SLC17A7: variants seen among roughly 807,000 people sequenced by gnomAD.
The protein encoded by SLC17A7 is vesicular glutamate transporter 1.
Under a neutral mutation model 59.1 loss-of-function variants are expected in SLC17A7, and 15 were observed. The observed-to-expected ratio is 0.25, with a 90% CI of 0.17 to 0.39. The LOEUF is 0.39. SLC17A7 is among the 10% of genes least tolerant of loss of function. SLC17A7 has a pLI of 1.00. For synonymous variants in SLC17A7, 353 were observed against 308.9 expected, an observed-to-expected ratio of 1.14 and a Z score of -1.50; for missense variants, 499 against 765.1, an observed-to-expected ratio of 0.65 and a Z score of 4.10.
In SLC17A7 at chr19:49,431,382, G is replaced by A. The variant is rs2078958801; in HGVS notation, c.1217C>T (p.Ser406Phe). The A allele has an allele frequency of 6.2e-7, 1 of 1,614,052 alleles. No individual in the cohort carries two copies. The highest frequency in any genetic ancestry group is 1.3e-5 in the African/African-American group (1 of 74,918). ...GYSHSKGVAI[S>F]FLVLAVGFSG... The stretch of plus-strand genomic sequence containing the variant: ...GAAGCCCACGGCTAGGACCAGGAAG[G>A]AGATGGCCACGCCCTTGGAGTGCGA... Residue 406 changes from serine to phenylalanine, a missense_variant, in exon 10 of 12, where the codon TCC (serine) becomes TTC (phenylalanine). Physicochemically the swap from Ser to Phe is radical, Grantham distance 155. Transcript: ENST00000221485. This position sits in a 1 kb window ranked among gnomAD's most constrained non-coding sequence, Gnocchi z 4.6.
At chr19:49,435,008 T>G in intron 3 of SLC17A7, 126 bp from the exon 4 acceptor site, 1 of 1,033,712 alleles carries the variant, frequency 9.7e-7, no homozygotes, top group Non-Finnish European at 1.5e-6. Context: ...CTCTCTGACT[T>G]ACACCTTCCT....
Position 49,433,516 on chromosome 19 carries a change from C to T in SLC17A7, c.867+210G>A. On this transcript the variant is annotated intron_variant, in intron 7 of 11. Coordinates refer to ENST00000221485, the MANE Select transcript of SLC17A7 (RefSeq NM_020309.4). The surrounding 1 kb of genome is among the most constrained non-coding windows in gnomAD (Gnocchi z 5.7). ...ACTATGCCCTGTCAGTGGTTCTAAT[C>T]CTGCTCAACTCCCGACCTAACCCTG... The T allele has an allele frequency of 1.4e-6, 1 of 716,336 alleles. No homozygotes were observed. Among genetic ancestry groups the T allele is most frequent in the South Asian group, 1.5e-5 (1 of 66,908 alleles). The allele number at this position is 716,336 out of a possible 1,614,324, so 44.4% of individuals were successfully genotyped here.
chr19:49,435,305 A>G lies in SLC17A7; in HGVS notation c.316-19T>C. On this transcript the variant is annotated intron_variant, in intron 2 of 11. Coordinates refer to ENST00000221485, the MANE Select transcript of SLC17A7 (RefSeq NM_020309.4). ...GGGCTTTCTGCGGGCCAAAATGTAC[A>G]TTAAATCAGCCGCCCTGTCCAGGCT... 2.5e-6 allele frequency: 4 copies of G among 1,578,418 alleles called. No homozygotes were observed. The highest frequency in any genetic ancestry group is 1.3e-5 in the African/African-American group (1 of 74,272).
Position 49,433,897 on chromosome 19 carries a change from G to C in SLC17A7, c.725-29C>G, listed in dbSNP as rs762238797. ...GGGGGGTCAGGAGGGGGATGGGAGC[G>C]AGGTGAGGACCGGCCCCGCTCCGCC... is the stretch of plus-strand genomic sequence containing the variant. On this transcript the variant is annotated intron_variant, in intron 6 of 11. Coordinates refer to ENST00000221485, the MANE Select transcript of SLC17A7 (RefSeq NM_020309.4). This position sits in a 1 kb window ranked among gnomAD's most constrained non-coding sequence, Gnocchi z 5.7. 1.2e-6 allele frequency: 2 copies of C among 1,612,162 alleles called. No individual in the cohort carries two copies. Among genetic ancestry groups the C allele is most frequent in the African/African-American group, 1.3e-5 (1 of 74,940 alleles).
At position 49,429,520 on chromosome 19, in the gene SLC17A7, C is replaced by T; in HGVS notation, c.*999G>A. ...AACACCCCTGGCTCCTGCCCCATTC[C>T]CTTTCATGGGATTCTGTGACTTCTC... On this transcript the variant is annotated 3_prime_UTR_variant, in exon 12 of 12. Coordinates refer to ENST00000221485, the MANE Select transcript of SLC17A7 (RefSeq NM_020309.4). 1 of 399,036 alleles carries T rather than the reference C, an allele frequency of 2.5e-6. No homozygotes were observed. Among genetic ancestry groups the T allele is most frequent in the Non-Finnish European group, 4.4e-6 (1 of 226,086 alleles). The allele number at this position is 399,036 out of a possible 1,614,324, so 24.7% of individuals were successfully genotyped here. A position where few individuals can be genotyped will look rare whatever the true frequency, so the allele number is the denominator to read the frequency against.
chr19:49,435,626 C>T (rs1369701173), intron 2 of SLC17A7: 1 of 210,412 alleles, frequency 4.8e-6, no homozygotes, highest in African/African-American at 2.3e-5. Context: ...GCGGAGTGAC[C>T]TGCACAGGGT....
In SLC17A7 at chr19:49,432,941, C is replaced by T. The variant is rs1157506637; in HGVS notation, c.887G>A (p.Arg296Gln). The T allele has an allele frequency of 6.2e-7, 1 of 1,607,674 alleles. No homozygotes were observed. Among genetic ancestry groups the T allele is most frequent in the South Asian group, 1.1e-5 (1 of 89,390 alleles). Reference protein sequence around the residue: ...NPLTKFSTPWRRFFTSMPVYA... With the variant: ...NPLTKFSTPWQRFFTSMPVYA... ...GACTGGCATAGACGTGAAGAAGCGC[C>T]GCCAGGGAGTGCTAAACTTCTGTGG... The change falls in exon 8 of 12, where the codon CGG (arginine) becomes CAG (glutamine). Residue 296 changes from arginine (R) to glutamine (Q), a missense_variant. Physicochemically the swap from Arg to Gln is conservative, Grantham distance 43 (BLOSUM62 1). Transcript: ENST00000221485.
Position 49,432,000 on chromosome 19 carries a change from C to G in SLC17A7, c.1150+519G>C, listed in dbSNP as rs1446848535. Among the ~76,000 whole-genome samples the G allele has an allele frequency of 6.6e-6, 1 of 152,158 alleles. No individual in the cohort carries two copies. Among genetic ancestry groups the G allele is most frequent in the Non-Finnish European group, 1.5e-5 (1 of 68,042 alleles). On this transcript the variant is annotated intron_variant, in intron 9 of 11. Transcript: ENST00000221485. This position sits in a 1 kb window ranked among gnomAD's most constrained non-coding sequence, Gnocchi z 4.6. Reference sequence around the variant, plus strand: ...AGAAACAAAGTCTCGCTCTGTCGCCCAGGCTGGAGTGCTGCGGCGCGATCA... The same window carrying G: ...AGAAACAAAGTCTCGCTCTGTCGCCGAGGCTGGAGTGCTGCGGCGCGATCA...
chr19:49,433,032 C>T lies in SLC17A7; in HGVS notation c.868-72G>A, dbSNP rs751548114. 6 of 1,461,958 alleles carry T rather than the reference C, an allele frequency of 4.1e-6. No homozygotes were observed. In the South Asian group the frequency reaches 5.0e-5, roughly 12 times the overall value. 90.6% of individuals were successfully genotyped at this position (1,461,958 alleles called of 1,614,324 possible). On this transcript the variant is annotated intron_variant, in intron 7 of 11. Coordinates refer to ENST00000221485, the MANE Select transcript of SLC17A7 (RefSeq NM_020309.4). The surrounding 1 kb of genome is among the most constrained non-coding windows in gnomAD (Gnocchi z 5.7). ...GGCTTCTCCGCGTCCCTTCAGGGAC[C>T]ACAGTGTAGTTCTGCAGAAACCAAA...
rs769599794 is a variant in SLC17A7 at position 49,432,512 on chromosome 19, CA to C, written c.1150+6del. The C allele has an allele frequency of 2.5e-6, 4 of 1,611,244 alleles. No homozygotes were observed. The African/African-American group carries it at 5.3e-5, about 22-fold the overall frequency. On this transcript the variant is annotated splice_donor_region_variant and intron_variant, in intron 9 of 11. Coordinates refer to ENST00000221485, the MANE Select transcript of SLC17A7 (RefSeq NM_020309.4). The stretch of plus-strand genomic sequence containing the variant: ...CCTAGAGCCGGCCCAGGCCCCGCCC[CA>C]CTCACCTCCGCAGTTCATCAACTTG...
rs752214392 is a variant in SLC17A7, at chr19:49,431,366, G to A, written c.1233C>T (p.Ala411=). ...KGVAISFLVL[A]VGFSGFAISG... The stretch of plus-strand genomic sequence containing the variant: ...AGATGGCGAAGCCGCTGAAGCCCAC[G>A]GCTAGGACCAGGAAGGAGATGGCCA... The change falls in exon 10 of 12, where the codon GCC becomes GCT. Residue 411 remains alanine, a synonymous_variant. Coordinates refer to ENST00000221485, the MANE Select transcript of SLC17A7 (RefSeq NM_020309.4). The surrounding 1 kb of genome is among the most constrained non-coding windows in gnomAD (Gnocchi z 4.6). 8.1e-6 allele frequency: 13 copies of A among 1,614,180 alleles called. No individual in the cohort carries two copies. The highest frequency in any genetic ancestry group is 2.2e-5 in the East Asian group (1 of 44,888).
At position 49,431,685 on chromosome 19, in the gene SLC17A7, C is replaced by T. The variant is rs1163026363; in HGVS notation, c.1151-237G>A. On this transcript the variant is annotated intron_variant, in intron 9 of 11. Transcript: ENST00000221485. This position sits in a 1 kb window ranked among gnomAD's most constrained non-coding sequence, Gnocchi z 4.6. ...CGCCCACCAGCTCCATCGCCCCTCC[C>T]GTAGCTCCACCCCTTGACTAGGCCA... Among the ~76,000 whole-genome samples the T allele has an allele frequency of 6.6e-6, 1 of 152,186 alleles. No individual in the cohort carries two copies. The highest frequency in any genetic ancestry group is 1.9e-4 in the East Asian group (1 of 5,190).
chr19:49,435,352 C>T, intron 2 of SLC17A7, 66 bp from the exon 3 acceptor site: 1 of 1,161,134 alleles, frequency 8.6e-7, no homozygotes, highest in East Asian at 2.3e-5. Context: ...CCAATCAGCA[C>T]CCACAGACTT....
chr19:49,434,937 C>T, intron 3 of SLC17A7, 55 bp from the exon 4 acceptor site: 1 of 1,547,826 alleles, frequency 6.5e-7, no homozygotes, highest in Non-Finnish European at 8.9e-7. Context: ...GCCCGGGATT[C>T]TGCCTTTCCC....
Position 49,432,850 on chromosome 19 carries a change from G to T in SLC17A7, c.978C>A (p.Pro326=). The T allele has an allele frequency of 1.3e-6, 2 of 1,592,300 alleles. No individual in the cohort carries two copies. Among genetic ancestry groups the T allele is most frequent in the East Asian group, 2.3e-5 (1 of 44,128 alleles). The change falls in exon 8 of 12, where the codon CCC becomes CCA. Residue 326 remains proline, a synonymous_variant. Coordinates refer to ENST00000221485, the MANE Select transcript of SLC17A7 (RefSeq NM_020309.4). ...AGCCGAACACTTCTTCGAAGTAGGC[G>T]GGCTGGGAGATGAGCAGCAGGTAGA... is the stretch of plus-strand genomic sequence containing the variant. ...WTFYLLLISQ[P]AYFEEVFGFE...
intron 1 of SLC17A7, among the ~76,000 whole-genome samples, chr19:49,438,859 C>G (rs1013634056): frequency 1.3e-5 from 2 of 152,104 alleles, no homozygotes; most frequent in African/African-American, 4.8e-5. Flanking sequence ...GATGTCAGAT[C>G]TCTAATCAAG....
Position 49,430,429 on chromosome 19 carries a change from A to G in SLC17A7, c.*90T>C. The G allele has an allele frequency of 2.2e-6, 2 of 921,464 alleles. No homozygotes were observed. The highest frequency in any genetic ancestry group is 3.3e-6 in the Non-Finnish European group (2 of 611,672). 57.1% of individuals were successfully genotyped at this position (921,464 alleles called of 1,614,324 possible). A position where few individuals can be genotyped will look rare whatever the true frequency, so the allele number is the denominator to read the frequency against. On this transcript the variant is annotated 3_prime_UTR_variant, in exon 12 of 12. Coordinates refer to ENST00000221485, the MANE Select transcript of SLC17A7 (RefSeq NM_020309.4). ...GCTTCTTAGGCCTGAGGCAGGACAG[A>G]GAGGAGCAGGGTTCCTTGACACTGT...
At position 49,436,017 on chromosome 19, in the gene SLC17A7, C is replaced by T. The variant is rs1486613801; in HGVS notation, c.315+532G>A. 6 of 158,978 alleles carry T rather than the reference C, an allele frequency of 3.8e-5. No individual in the cohort carries two copies. Among genetic ancestry groups the T allele is most frequent in the Admixed American group, 5.9e-5 (1 of 16,824 alleles). The allele number at this position is 158,978 out of a possible 1,614,324, so 9.8% of individuals were successfully genotyped here. On this transcript the variant is annotated intron_variant, in intron 2 of 11. Transcript: ENST00000221485. The surrounding 1 kb of genome is among the most constrained non-coding windows in gnomAD (Gnocchi z 4.1). ...GGAGTTCGAGGCTGCAGTGATGGTGCCACTGCACTCCAGCTTGGGCGACAG... is the reference window on the plus strand; with the variant it reads ...GGAGTTCGAGGCTGCAGTGATGGTGTCACTGCACTCCAGCTTGGGCGACAG...
Position 49,429,805 on chromosome 19 carries a change from A to G in SLC17A7, c.*714T>C. On this transcript the variant is annotated 3_prime_UTR_variant, in exon 12 of 12. Coordinates refer to ENST00000221485, the MANE Select transcript of SLC17A7 (RefSeq NM_020309.4). ...ACTATTTAGACCTGAAAACCATGTC[A>G]GAAAAAGTGCACGGGGGTAGAGAGG... The G allele has an allele frequency of 2.6e-6, 1 of 384,382 alleles. No homozygotes were observed. The highest frequency in any genetic ancestry group is 4.6e-6 in the Non-Finnish European group (1 of 217,164). 23.8% of individuals were successfully genotyped at this position (384,382 alleles called of 1,614,324 possible).
Sources: allele counts gnomAD v4.1 joint callset (sites outside exome capture counted in the v4.1 genomes callset), GRCh38; gene constraint gnomAD v4.1.1; non-coding constraint Gnocchi (gnomAD v3.1); transcripts MANE v1.5; gene names NCBI Gene and HGNC (gene_info 2026-07-23, HGNC 2026-07-21).